The following EYS variants were observed in gnomAD, a reference collection of about 807,000 sequenced individuals.
The protein encoded by EYS is protein eyes shut homolog.
In EYS, 250 loss-of-function variants were observed where a neutral mutation model predicts 282.1. That is an observed-to-expected ratio of 0.89 (90% CI 0.80 to 0.98). The LOEUF is 0.98. Among genes scored for constraint, EYS ranks in the 50% least tolerant of loss-of-function variants. EYS has a pLI of 0.00. For missense variants in EYS, 4,016 were observed against 3,709.0 expected (o/e 1.08, Z -2.15); for synonymous variants, 1,355 against 1,282.9 (o/e 1.06, Z -1.20).
intron 5 of EYS, among the ~76,000 whole-genome samples, chr6:65,469,579 A>G (rs1280045808): frequency 6.6e-6 from 1 of 152,088 alleles, no homozygotes; most frequent in Non-Finnish European, 1.5e-5. Flanking sequence ...GAACTTCACC[A>G]AAATCAAATT....
At chr6:65,028,045 T>C (rs1772475273) in intron 13 of EYS, among the ~76,000 whole-genome samples, 1 of 152,136 alleles carries the variant, frequency 6.6e-6, no homozygotes, top group Non-Finnish European at 1.5e-5. Flanking sequence ...ACACTTTGAG[T>C]TCTTCTGCAT....
At chr6:64,513,455 T>A (rs562704675) in intron 26 of EYS, among the ~76,000 whole-genome samples, 21 of 152,044 alleles carry the variant, frequency 1.4e-4, no homozygotes, top group African/African-American at 5.1e-4. Flanking sequence ...TACTTTTGAA[T>A]TCTGAGACCT....
At chr6:64,854,710 T>C (rs968165918) in intron 19 of EYS, among the ~76,000 whole-genome samples, 1 of 151,940 alleles carries the variant, frequency 6.6e-6, no homozygotes, top group African/African-American at 2.4e-5. Context: ...ACCTGCACAT[T>C]GTGCACATGT....
intron 2 of EYS, among the ~76,000 whole-genome samples, chr6:65,584,453 T>C (rs986865935): frequency 2.6e-5 from 4 of 152,050 alleles, no homozygotes; most frequent in African/African-American, 9.7e-5. Flanking sequence ...GATTTCAGGA[T>C]GAGTTTTTTA....
chr6:64,743,531 A>G (rs1256363852), intron 22 of EYS, among the ~76,000 whole-genome samples: 1 of 152,114 alleles, frequency 6.6e-6, no homozygotes, highest in African/African-American at 2.4e-5. Flanking sequence ...AGTTATCTTC[A>G]CAGAATGGTC....
rs143902035 is a variant in EYS at position 65,234,177 on chromosome 6, G to C, written c.2023+61686C>G. ...CCCAGTCATCTCAGACAAATCTGCA[G>C]AGCTCTTTGTCATACGGCCAGCCTC... is the stretch of plus-strand genomic sequence containing the variant. On this transcript the variant is annotated intron_variant, in intron 12 of 42. Transcript: ENST00000503581. Among the ~76,000 whole-genome samples, 2 of 152,286 alleles carry C rather than the reference G, an allele frequency of 1.3e-5. 1 individual carries two copies. Among genetic ancestry groups the C allele is most frequent in the Non-Finnish European group, 2.9e-5 (2 of 68,030 alleles).
chr6:64,190,937 A>G (rs1765084477), intron 31 of EYS, among the ~76,000 whole-genome samples: 1 of 152,156 alleles, frequency 6.6e-6, no homozygotes, highest in African/African-American at 2.4e-5. Context: ...ACAGTATCTC[A>G]TTGTGGTTTC....
intron 12 of EYS, among the ~76,000 whole-genome samples, chr6:65,147,230 A>G (rs1764501927): frequency 6.6e-6 from 1 of 152,054 alleles, no homozygotes; most frequent in South Asian, 2.1e-4. Flanking sequence ...AAATATTTGT[A>G]AATACTCTCC....
chr6:65,663,297 A>G (rs1199173527), intron 1 of EYS, among the ~76,000 whole-genome samples: 1 of 152,164 alleles, frequency 6.6e-6, no homozygotes, highest in Non-Finnish European at 1.5e-5. Flanking sequence ...CAATTCTAAG[A>G]GTATATGGCA....
chr6:65,400,237 G>A (rs1284373029), intron 7 of EYS, among the ~76,000 whole-genome samples: 7 of 151,822 alleles, frequency 4.6e-5, no homozygotes, highest in African/African-American at 7.3e-5. Flanking sequence ...TACTGGTCAA[G>A]TATCCTTTTT....
At chr6:63,841,190 A>G (rs181502108) in intron 36 of EYS, among the ~76,000 whole-genome samples, 9 of 152,318 alleles carry the variant, frequency 5.9e-5, no homozygotes, top group Non-Finnish European at 1.3e-4. Flanking sequence ...ATGATTCATA[A>G]TTCTATACTT....
intron 22 of EYS, among the ~76,000 whole-genome samples, chr6:64,648,261 A>G (rs1768425933): frequency 6.6e-6 from 1 of 152,154 alleles, no homozygotes; most frequent in South Asian, 2.1e-4. Flanking sequence ...TCTCTTTGTC[A>G]TGGCCTCGAG....
intron 33 of EYS, among the ~76,000 whole-genome samples, chr6:64,007,717 T>G (rs959754244): frequency 2.6e-5 from 4 of 152,208 alleles, no homozygotes; most frequent in African/African-American, 9.6e-5. Flanking sequence ...AAAGAATTTA[T>G]TGATTTCTGC....
intron 35 of EYS, among the ~76,000 whole-genome samples, chr6:63,885,746 G>C (rs1256569953): frequency 6.6e-6 from 1 of 152,100 alleles, no homozygotes; most frequent in Non-Finnish European, 1.5e-5. Context: ...ACACAGCTTT[G>C]ATGGCCAGAT....
In EYS at chr6:64,600,709, G is replaced by C. The variant is rs147096515; in HGVS notation, c.3685-7400C>G. Among the ~76,000 whole-genome samples, 11 of 152,180 alleles carry C rather than the reference G, an allele frequency of 7.2e-5. No homozygotes were observed. In the East Asian group the frequency reaches 1.9e-3, roughly 27 times the overall value. Reference sequence around the variant, plus strand: ...GACTATGTTACATTTTCCACTGAATGGCCGGGGCTAATATGATGGCTGGCA... The same window carrying C: ...GACTATGTTACATTTTCCACTGAATCGCCGGGGCTAATATGATGGCTGGCA... On this transcript the variant is annotated intron_variant, in intron 24 of 42. Transcript: ENST00000503581.
At chr6:65,032,734 G>A (rs1174207143) in intron 13 of EYS, among the ~76,000 whole-genome samples, 1 of 151,760 alleles carries the variant, frequency 6.6e-6, no homozygotes, top group Non-Finnish European at 1.5e-5. Flanking sequence ...AGTGAAAAAT[G>A]GTCTAACAGA....
chr6:64,378,204 T>A (rs1267029265), intron 29 of EYS, among the ~76,000 whole-genome samples: 1 of 152,164 alleles, frequency 6.6e-6, no homozygotes, highest in Non-Finnish European at 1.5e-5. Flanking sequence ...CAAGATTTCA[T>A]GGAAGTATGA....
At chr6:64,296,541 AATATATATATATATATATATATATAT>A (rs1211614579) in intron 30 of EYS, among the ~76,000 whole-genome samples, 9 of 15,728 alleles carry the variant, frequency 5.7e-4, no homozygotes, top group Admixed American at 3.7e-3. Context: ...GTACTGGCAG[AATATATATATATATATATATATATAT>A]ATATATATAT....
chr6:63,912,546 C>A (rs949127829), intron 35 of EYS, among the ~76,000 whole-genome samples: 1 of 152,096 alleles, frequency 6.6e-6, no homozygotes, highest in Non-Finnish European at 1.5e-5. Flanking sequence ...TTCAGACTAG[C>A]CAAAATTCAA....
Sources: gnomAD v4.1 joint callset for allele counts (sites outside exome capture counted in the v4.1 genomes callset) on GRCh38, gnomAD v4.1.1 for gene constraint, MANE v1.5 for transcripts, NCBI Gene and HGNC (gene_info 2026-07-23, HGNC 2026-07-21) for gene names.